The following ANLN variants were observed in gnomAD, a reference collection of about 807,000 sequenced individuals.
ANLN encodes anillin, actin binding protein, also known as anillin.
Under a neutral mutation model 135.1 loss-of-function variants are expected in ANLN, and 59 were observed. That is an observed-to-expected ratio of 0.44 (90% CI 0.35 to 0.54). The LOEUF (loss-of-function observed/expected upper bound fraction) is 0.54. Ranked by LOEUF, ANLN falls within the 20% of genes least tolerant of loss-of-function variation. The pLI, the probability that ANLN is intolerant of heterozygous loss-of-function variation, is 0.00. For synonymous variants in ANLN, 406 were observed against 456.4 expected (o/e 0.89, Z 1.41); for missense variants, 1,182 against 1,340.0 (o/e 0.88, Z 1.84).
At position 36,416,025 on chromosome 7, in the gene ANLN, T is replaced by A. The variant is rs145178661; in HGVS notation, c.1522+141T>A. 2.3e-5 allele frequency: 17 copies of A among 754,882 alleles called. No homozygotes were observed. The East Asian group carries it at 4.8e-4, about 21-fold the overall frequency. The allele number at this position is 754,882 out of a possible 1,614,324, so 46.8% of individuals were successfully genotyped here. A position where few individuals can be genotyped will look rare whatever the true frequency, so the allele number is the denominator to read the frequency against. On this transcript the variant is annotated intron_variant, in intron 8 of 23. Coordinates refer to ENST00000265748, the MANE Select transcript of ANLN (RefSeq NM_018685.5). ...AATCTTTAGGGTTTTCTTTCTTTTT[T>A]CACTTTTCTTTGAGATGGATTCTTG...
intron 20 of ANLN, among the ~76,000 whole-genome samples, chr7:36,435,765 C>A (rs549682712): frequency 7.0e-6 from 1 of 143,748 alleles, no homozygotes; most frequent in South Asian, 2.2e-4. Flanking sequence ...CCCAGCTACT[C>A]GGGAGGCTGA....
chr7:36,424,886 T>C, intron 17 of ANLN, 144 bp downstream of exon 17: 1 of 728,562 alleles, frequency 1.4e-6, no homozygotes, highest in Non-Finnish European at 2.2e-6. Context: ...CTATGTTAAA[T>C]AGGTATGAAT....
At position 36,444,319 on chromosome 7, in the gene ANLN, GGTGT is replaced by G. The variant is rs375976504; in HGVS notation, c.3078+473_3078+476del. Among the ~76,000 whole-genome samples, 11 of 149,332 alleles carry G rather than the reference GGTGT, an allele frequency of 7.4e-5. No homozygotes were observed. In the East Asian group the frequency reaches 1.6e-3, roughly 21 times the overall value. On this transcript the variant is annotated intron_variant, in intron 22 of 23. Coordinates refer to ENST00000265748, the MANE Select transcript of ANLN (RefSeq NM_018685.5). Reference sequence around the variant, plus strand: ...AAAAAAAAAAAATGTTTTTGTTGTAGGTGTGTGTGTGTGTGTGTGATAATCCTTT... The same window carrying G: ...AAAAAAAAAAAATGTTTTTGTTGTAGGTGTGTGTGTGTGTGATAATCCTTT...
chr7:36,397,177 T>G (rs917550239), intron 2 of ANLN, among the ~76,000 whole-genome samples: 1 of 151,490 alleles, frequency 6.6e-6, no homozygotes, highest in Non-Finnish European at 1.5e-5. Flanking sequence ...AGCAGAGAAG[T>G]GTACATGGGG....
At chr7:36,417,674 C>CTTTTTTTTTTTTTT (rs70977138) in intron 9 of ANLN, among the ~76,000 whole-genome samples, 1 of 97,256 alleles carries the variant, frequency 1.0e-5, no homozygotes, top group Non-Finnish European at 2.0e-5. Context: ...CTCAAACTTC[C>CTTTTTTTTTTTTTT]TTTTTTTTTT....
Position 36,393,504 on chromosome 7 carries a change from A to G in ANLN, c.19-2762A>G, listed in dbSNP as rs374985830. On this transcript the variant is annotated intron_variant, in intron 1 of 23. Transcript: ENST00000265748. ...TATTCAACAGGTTATAGGCAGAGCT[A>G]TGAGTATTTACAAAGGGGTCCTGAT... Among the ~76,000 whole-genome samples the G allele has an allele frequency of 2.4e-3, 371 of 152,352 alleles. 19 individuals carry two copies. In the South Asian group the frequency reaches 0.072, roughly 30 times the overall value.
At position 36,452,553 on chromosome 7, in the gene ANLN, C is replaced by T. The variant is rs780692396; in HGVS notation, c.3328C>T (p.Arg1110Cys). The T allele has an allele frequency of 8.7e-6, 14 of 1,614,050 alleles. No homozygotes were observed. The highest frequency in any genetic ancestry group is 7.7e-5 in the South Asian group (7 of 91,078). ...ACTCAATCAAGTTCTTGTTGATATT[C>T]GCCTCTGGCAACCTGATGCTTGCTA... ...QKLNQVLVDI[R>C]LWQPDACYKP... The change falls in exon 24 of 24, where the codon CGC becomes TGC. Residue 1110 changes from arginine (R) to cysteine (C), a missense_variant. Coordinates refer to ENST00000265748, the MANE Select transcript of ANLN (RefSeq NM_018685.5).
At chr7:36,404,553 GGAA>G (rs1787109076) in intron 3 of ANLN, among the ~76,000 whole-genome samples, 1 of 152,172 alleles carries the variant, frequency 6.6e-6, no homozygotes. Context: ...ACAATTTCAT[GGAA>G]GAAGATTCAT....
chr7:36,400,813 T>G (rs1786915165), intron 3 of ANLN, among the ~76,000 whole-genome samples: 1 of 152,168 alleles, frequency 6.6e-6, no homozygotes, highest in South Asian at 2.1e-4. Context: ...GACCATAGGA[T>G]TAGAATTTCA....
At position 36,389,990 on chromosome 7, in the gene ANLN, AC is replaced by A. The variant is rs1204168132; in HGVS notation, c.-35del. The stretch of plus-strand genomic sequence containing the variant: ...ACTTTTCTCTTCCTGAATTTGAACC[AC>A]CGTTTCCATCGTCTCGTAGTCCGAC... On this transcript the variant is annotated 5_prime_UTR_variant, in exon 1 of 24. Transcript: ENST00000265748. 1.9e-6 allele frequency: 3 copies of A among 1,614,026 alleles called. No individual in the cohort carries two copies. The South Asian group carries it at 3.3e-5, about 18-fold the overall frequency.
At chr7:36,390,333 TC>T in intron 1 of ANLN, 2 of 485,858 alleles carry the variant, frequency 4.1e-6, no homozygotes. Flanking sequence ...ACCATGTCCC[TC>T]TGCAGTCCTG....
At position 36,390,047 on chromosome 7, in the gene ANLN, G is replaced by A. The variant is rs1305615894; in HGVS notation, c.18+3G>A. 3 of 1,613,844 alleles carry A rather than the reference G, an allele frequency of 1.9e-6. No individual in the cohort carries two copies. On this transcript the variant is annotated splice_donor_region_variant and intron_variant, in intron 1 of 23. Coordinates refer to ENST00000265748, the MANE Select transcript of ANLN (RefSeq NM_018685.5). Reference sequence around the variant, plus strand: ...GGGCGATGGATCCGTTTACGGAGGTGAGTGAGTTTGCGGGTGCAGCCAGCC... The same window carrying A: ...GGGCGATGGATCCGTTTACGGAGGTAAGTGAGTTTGCGGGTGCAGCCAGCC...
At chr7:36,399,510 G>A in intron 3 of ANLN, 117 bp downstream of exon 3, 3 of 947,658 alleles carry the variant, frequency 3.2e-6, no homozygotes, top group Non-Finnish European at 4.6e-6. Context: ...TTATCTATAT[G>A]TTGAGTATCC....
Position 36,423,717 on chromosome 7 carries a change from A to G in ANLN, c.2477-100A>G, listed in dbSNP as rs80098854. ...AATTTTAAAAATAAATTGTATATAAATCAGTTCAATATTCCTTTATTTCTT... is the reference window on the plus strand; with the variant it reads ...AATTTTAAAAATAAATTGTATATAAGTCAGTTCAATATTCCTTTATTTCTT... On this transcript the variant is annotated intron_variant, in intron 14 of 23. Transcript: ENST00000265748. 481 of 1,123,540 alleles carry G rather than the reference A, an allele frequency of 4.3e-4. 4 individuals are homozygous for G. The East Asian group carries it at 7.9e-3, about 18-fold the overall frequency. 69.6% of individuals were successfully genotyped at this position (1,123,540 alleles called of 1,614,324 possible).
Position 36,406,336 on chromosome 7 carries a change from G to A in ANLN, c.643G>A (p.Asp215Asn), listed in dbSNP as rs528529344. ...LAATICSWED[D>N]VNHSFAKQNS... ...TGCAACTATTTGCTCCTGGGAAGAT[G>A]ATGTAAATCACTCATTTGCAAAACA... The change falls in exon 4 of 24, where the codon GAT becomes AAT. Residue 215 changes from aspartate to asparagine, a missense_variant. By Grantham distance (23) the Asp-to-Asn change is conservative. Coordinates refer to ENST00000265748, the MANE Select transcript of ANLN (RefSeq NM_018685.5). 3.2e-5 allele frequency: 52 copies of A among 1,614,076 alleles called. No homozygotes were observed. The Admixed American group carries it at 8.5e-4, about 26-fold the overall frequency.
intron 3 of ANLN, among the ~76,000 whole-genome samples, chr7:36,405,675 A>T (rs1455068727): frequency 6.6e-6 from 1 of 152,238 alleles, no homozygotes; most frequent in Non-Finnish European, 1.5e-5. Context: ...CCAATACAGA[A>T]GACACTAGCC....
intron 7 of ANLN, among the ~76,000 whole-genome samples, chr7:36,413,369 A>G (rs1274220990): frequency 6.6e-6 from 1 of 152,152 alleles, no homozygotes; most frequent in Non-Finnish European, 1.5e-5. Flanking sequence ...TTTGTCAGTG[A>G]TCTTCACCTA....
intron 20 of ANLN, among the ~76,000 whole-genome samples, chr7:36,436,889 AG>A: frequency 6.6e-6 from 1 of 152,246 alleles, no homozygotes; most frequent in Non-Finnish European, 1.5e-5. Context: ...GGATATTATC[AG>A]ATATATAATT....
chr7:36,440,091 A>T (rs554149546), intron 21 of ANLN, among the ~76,000 whole-genome samples: 7 of 152,334 alleles, frequency 4.6e-5, no homozygotes, highest in Admixed American at 4.6e-4. Context: ...TTTGAATTTT[A>T]GATGCCTGGA....
Sources: allele counts gnomAD v4.1 joint callset (sites outside exome capture counted in the v4.1 genomes callset), GRCh38; gene constraint gnomAD v4.1.1; transcripts MANE v1.5; gene names NCBI Gene and HGNC (gene_info 2026-07-23, HGNC 2026-07-21).